Variants in SLC35F4 observed in about 807,000 individuals in gnomAD.
SLC35F4 encodes solute carrier family 35 member F4, also known as chromosome 14 open reading frame 36.
Under a neutral mutation model 44.2 loss-of-function variants are expected in SLC35F4, and 24 were observed. The observed-to-expected ratio is 0.54, with a 90% confidence interval of 0.39 to 0.76. SLC35F4 has a LOEUF of 0.76. Ranked by LOEUF, SLC35F4 falls within the 30% of genes least tolerant of loss-of-function variation. SLC35F4 has a pLI of 0.00. For synonymous variants in SLC35F4, 238 were observed against 223.6 expected (o/e 1.06, Z -0.57); for missense variants, 562 against 586.1 (o/e 0.96, Z 0.42).
intron 2 of SLC35F4, among the ~76,000 whole-genome samples, chr14:57,592,963 G>A (rs572456543): frequency 6.6e-6 from 1 of 152,106 alleles, no homozygotes; most frequent in Non-Finnish European, 1.5e-5. Flanking sequence ...CAAGCTGAAG[G>A]AACAAATGGA....
intron 3 of SLC35F4, among the ~76,000 whole-genome samples, chr14:57,585,240 C>T (rs1048820610): frequency 5.9e-5 from 9 of 152,000 alleles, no homozygotes; most frequent in African/African-American, 1.2e-4. Context: ...GGCCAAAAAC[C>T]GCATGATTAT....
At chr14:57,603,521 G>A (rs906919618) in intron 1 of SLC35F4, among the ~76,000 whole-genome samples, 1 of 152,172 alleles carries the variant, frequency 6.6e-6, no homozygotes, top group Non-Finnish European at 1.5e-5. Flanking sequence ...ATAAGGTGTA[G>A]GTATGACTTG....
intron 1 of SLC35F4, among the ~76,000 whole-genome samples, chr14:57,835,953 C>T (rs1884874665): frequency 6.6e-6 from 1 of 152,216 alleles, no homozygotes; most frequent in South Asian, 2.1e-4. Flanking sequence ...CTAAACAACA[C>T]ATTTGGGAAA....
chr14:57,743,997 C>A (rs1017849133), intron 1 of SLC35F4, among the ~76,000 whole-genome samples: 2 of 152,170 alleles, frequency 1.3e-5, no homozygotes, highest in Middle Eastern at 3.2e-3. Context: ...TCAATAGACG[C>A]AGAAAAAGCC....
At chr14:57,725,202 T>G (rs2076172621) in intron 1 of SLC35F4, among the ~76,000 whole-genome samples, 1 of 152,080 alleles carries the variant, frequency 6.6e-6, no homozygotes, top group Admixed American at 6.5e-5. Context: ...AATGGGCCCA[T>G]GAACAAAGTG....
intron 1 of SLC35F4, among the ~76,000 whole-genome samples, chr14:57,772,789 A>ACAGCAGCAC (rs1174045699): frequency 9.2e-5 from 14 of 152,248 alleles, no homozygotes; most frequent in African/African-American, 3.4e-4. Context: ...CATGACTTTC[A>ACAGCAGCAC]TATTGTGAAT....
At chr14:57,914,318 C>T (rs563745596) in intron 1 of SLC35F4, among the ~76,000 whole-genome samples, 1 of 152,054 alleles carries the variant, frequency 6.6e-6, no homozygotes, top group South Asian at 2.1e-4. Flanking sequence ...AATCCCAGCA[C>T]TTTGGGAGGC....
intron 1 of SLC35F4, among the ~76,000 whole-genome samples, chr14:57,924,079 T>C (rs2141059895): frequency 6.6e-6 from 1 of 152,342 alleles, no homozygotes; most frequent in South Asian, 2.1e-4. Flanking sequence ...CTGCCATCCA[T>C]GTAAGATGTG....
intron 1 of SLC35F4, among the ~76,000 whole-genome samples, chr14:57,651,343 A>C (rs55795754): frequency 0.068 from 10,418 of 152,216 alleles, 462 homozygotes; most frequent in South Asian, 0.096. Flanking sequence ...TCTGACTACC[A>C]AGAATTCTGA....
At chr14:57,569,616 A>G (rs1203862174) in intron 6 of SLC35F4, among the ~76,000 whole-genome samples, 172 bp downstream of exon 6, 1 of 152,218 alleles carries the variant, frequency 6.6e-6, no homozygotes, top group African/African-American at 2.4e-5. Flanking sequence ...GCTTGAACCT[A>G]ATCAACCAGT....
At chr14:57,577,369 G>T (rs2068863413) in intron 4 of SLC35F4, among the ~76,000 whole-genome samples, 1 of 152,164 alleles carries the variant, frequency 6.6e-6, no homozygotes, top group Non-Finnish European at 1.5e-5. Flanking sequence ...CCCAAATATA[G>T]CTGGAAAATA....
chr14:57,725,289 GGTCACTGCTGAGT>G (rs2076175672), intron 1 of SLC35F4, among the ~76,000 whole-genome samples: 1 of 152,118 alleles, frequency 6.6e-6, no homozygotes, highest in Admixed American at 6.5e-5. Context: ...ACCTGGCTAT[GGTCACTGCTGAGT>G]GCCCAATTTG....
intron 1 of SLC35F4, among the ~76,000 whole-genome samples, chr14:57,965,809 T>C (rs1352241240): frequency 6.6e-6 from 1 of 152,184 alleles, no homozygotes; most frequent in Non-Finnish European, 1.5e-5. Flanking sequence ...GCTCTTTATT[T>C]CTGGTTTCAA....
chr14:57,711,799 T>C (rs1401524968), intron 1 of SLC35F4, among the ~76,000 whole-genome samples: 1 of 152,236 alleles, frequency 6.6e-6, no homozygotes, highest in Non-Finnish European at 1.5e-5. Flanking sequence ...GCAGCACTAC[T>C]GTAAGATCAA....
chr14:57,719,312 G>A (rs1333650469), intron 1 of SLC35F4, among the ~76,000 whole-genome samples: 1 of 151,992 alleles, frequency 6.6e-6, no homozygotes, highest in Non-Finnish European at 1.5e-5. Context: ...TGGGTCCTTT[G>A]TGATTCCATA....
rs111912832 is a variant in SLC35F4 at position 57,659,441 on chromosome 14, C to T, written c.104-65317G>A. ...TCCTACATCTGTGCCACCCAGAGACCTGAAAGGGAGCAGTCAGAATTAAAT... is the reference window on the plus strand; with the variant it reads ...TCCTACATCTGTGCCACCCAGAGACTTGAAAGGGAGCAGTCAGAATTAAAT... On this transcript the variant is annotated intron_variant, in intron 1 of 7. Transcript: ENST00000556826. 8.9e-3 allele frequency among the ~76,000 whole-genome samples: 1,358 copies of T among 152,158 alleles called. 6 individuals are homozygous for T. Among genetic ancestry groups the T allele is most frequent in the Non-Finnish European group, 0.013 (905 of 68,012 alleles).
At chr14:57,842,145 T>A (rs369138958) in intron 1 of SLC35F4, among the ~76,000 whole-genome samples, 26 of 152,132 alleles carry the variant, frequency 1.7e-4, no homozygotes, top group African/African-American at 5.8e-4. Flanking sequence ...AAGTAATAAA[T>A]AGTAAACAAA....
chr14:57,841,232 G>A (rs1885450388), intron 1 of SLC35F4, among the ~76,000 whole-genome samples: 1 of 152,184 alleles, frequency 6.6e-6, no homozygotes, highest in African/African-American at 2.4e-5. Flanking sequence ...TGAGCCCCAG[G>A]TGATGGGGGA....
At chr14:57,693,192 T>C (rs1304954388) in intron 1 of SLC35F4, among the ~76,000 whole-genome samples, 1 of 152,234 alleles carries the variant, frequency 6.6e-6, no homozygotes, top group Non-Finnish European at 1.5e-5. Context: ...TGTATACTTC[T>C]CTGTAAAGAG....
Sources: gnomAD v4.1 joint callset for allele counts (sites outside exome capture counted in the v4.1 genomes callset) on GRCh38, gnomAD v4.1.1 for gene constraint, MANE v1.5 for transcripts, NCBI Gene and HGNC (gene_info 2026-07-23, HGNC 2026-07-21) for gene names.